CDH10: variants seen among roughly 807,000 people sequenced by gnomAD.
CDH10 encodes cadherin 10, also known as cadherin-10.
A neutral mutation model predicts 73.1 loss-of-function variants in CDH10; 30 were observed. The ratio of observed to expected loss-of-function variants is 0.41; its 90% CI spans 0.31 to 0.56. CDH10 has a LOEUF of 0.56. Ranked by LOEUF, CDH10 falls within the 20% of genes least tolerant of loss-of-function variation. The probability of loss-of-function intolerance (pLI) is 0.27; values close to 1 mark genes in which losing one functional copy is unlikely to be tolerated. For synonymous variants in CDH10, 345 were observed against 348.2 expected (o/e 0.99, Z 0.10); for missense variants, 815 against 973.7 (o/e 0.84, Z 2.17).
chr5:24,568,220 G>T (rs986655021), intron 2 of CDH10, among the ~76,000 whole-genome samples: 1 of 151,778 alleles, frequency 6.6e-6, no homozygotes, highest in South Asian at 2.1e-4. Context: ...TTGGAAATAC[G>T]ACATCCATAA....
intron 7 of CDH10, among the ~76,000 whole-genome samples, chr5:24,509,350 C>A (rs1742811599): frequency 6.7e-6 from 1 of 149,126 alleles, no homozygotes; most frequent in African/African-American, 2.5e-5. Context: ...AGTGATTCTC[C>A]TGCCTCAGCC....
At chr5:24,588,106 T>C (rs1301954027) in intron 2 of CDH10, among the ~76,000 whole-genome samples, 2 of 152,214 alleles carry the variant, frequency 1.3e-5, no homozygotes, top group East Asian at 3.9e-4. Flanking sequence ...AGAGAAGTAA[T>C]GTCTATATTC....
rs1484687032 is a variant in CDH10, at chr5:24,549,571, G to A, written c.232-11897C>T. Reference sequence around the variant, plus strand: ...AATGACTTTTTTTTTTTTTTTTTGAGACAAAGTCTGGATCTTGTCTCCCAG... The same window carrying A: ...AATGACTTTTTTTTTTTTTTTTTGAAACAAAGTCTGGATCTTGTCTCCCAG... On this transcript the variant is annotated intron_variant, in intron 2 of 11. Transcript: ENST00000264463. 7.9e-5 allele frequency among the ~76,000 whole-genome samples: 5 copies of A among 63,612 alleles called. No homozygotes were observed. The East Asian group carries it at 2.5e-3, about 32-fold the overall frequency. The allele number at this position is 63,612 out of a possible 152,430, so 41.7% of individuals were successfully genotyped here.
chr5:24,591,122 C>T (rs1746185784), intron 2 of CDH10, among the ~76,000 whole-genome samples: 1 of 151,922 alleles, frequency 6.6e-6, no homozygotes, highest in African/African-American at 2.4e-5. Context: ...ATATGTTAAA[C>T]ATTGCCTTTT....
In CDH10 at chr5:24,583,065, T is replaced by A. The variant is rs571497439; in HGVS notation, c.231+10195A>T. 1.7e-3 allele frequency among the ~76,000 whole-genome samples: 261 copies of A among 152,046 alleles called. 1 individual carries two copies. Among genetic ancestry groups the A allele is most frequent in the African/African-American group, 3.9e-3 (161 of 41,496 alleles). On this transcript the variant is annotated intron_variant, in intron 2 of 11. Transcript: ENST00000264463. ...CATATTGCTATATTAGTAATTTTTT[T>A]TAAAAAAACTAAACGTCCTTTAAAA...
intron 2 of CDH10, among the ~76,000 whole-genome samples, chr5:24,588,369 TA>T (rs1746090948): frequency 6.6e-6 from 1 of 152,218 alleles, no homozygotes; most frequent in Non-Finnish European, 1.5e-5. Flanking sequence ...TTATATTTAG[TA>T]AACAGTTGTT....
intron 6 of CDH10, among the ~76,000 whole-genome samples, chr5:24,510,791 A>G (rs185715679): frequency 1.3e-5 from 2 of 152,356 alleles, no homozygotes; most frequent in Admixed American, 6.5e-5. Context: ...TTATGCTACA[A>G]TAACAAACAG....
chr5:24,587,650 C>T (rs1008528426), intron 2 of CDH10, among the ~76,000 whole-genome samples: 1 of 152,064 alleles, frequency 6.6e-6, no homozygotes, highest in Non-Finnish European at 1.5e-5. Flanking sequence ...ATCACTGACT[C>T]CATTTTCATA....
intron 5 of CDH10, among the ~76,000 whole-genome samples, chr5:24,518,826 G>T (rs1303247649): frequency 1.3e-5 from 2 of 150,462 alleles, no homozygotes; most frequent in Non-Finnish European, 3.0e-5. Context: ...ATTACAGTGA[G>T]ATGGTAATTT....
At chr5:24,488,187 C>T (rs1295548293) in intron 11 of CDH10, 34 bp from the exon 12 acceptor site, 3 of 1,531,024 alleles carry the variant, frequency 2.0e-6, no homozygotes, top group South Asian at 1.2e-5. Context: ...ATTAGACGTC[C>T]GTTCAAAACA....
intron 2 of CDH10, among the ~76,000 whole-genome samples, chr5:24,563,796 A>G (rs13178092): frequency 0.83 from 119,990 of 144,638 alleles, 49,931 homozygotes; most frequent in East Asian, 0.9. Flanking sequence ...AAAAAAAAAA[A>G]AAAGAGAAAA....
intron 1 of CDH10, among the ~76,000 whole-genome samples, chr5:24,626,897 TGTGTATATATAA>T (rs886365681): frequency 1.0e-4 from 12 of 115,318 alleles, no homozygotes; most frequent in African/African-American, 1.8e-4. Flanking sequence ...TGTGTATATA[TGTGTATATATAA>T]GTGTATATAT....
rs945365727 is a variant in CDH10 at position 24,593,527 on chromosome 5, G to A, written c.-37C>T. 1.7e-6 allele frequency: 2 copies of A among 1,181,780 alleles called. No individual in the cohort carries two copies. The highest frequency in any genetic ancestry group is 1.5e-5 in the African/African-American group (1 of 65,848). The allele number at this position is 1,181,780 out of a possible 1,614,324, so 73.2% of individuals were successfully genotyped here. A position where few individuals can be genotyped will look rare whatever the true frequency, so the allele number is the denominator to read the frequency against. On this transcript the variant is annotated 5_prime_UTR_variant, in exon 2 of 12. Transcript: ENST00000264463. ...TGACAAATCCCAGTGTAGATGAAGA[G>A]AAGTGGTCCTATTTTACCCAGTTGG...
chr5:24,517,309 C>T (rs993664777), intron 5 of CDH10, among the ~76,000 whole-genome samples: 5 of 152,230 alleles, frequency 3.3e-5, no homozygotes, highest in Middle Eastern at 3.4e-3. Flanking sequence ...ACAATTCTAA[C>T]GCCCAAACAC....
chr5:24,531,832 T>A (rs1743765461), intron 5 of CDH10, among the ~76,000 whole-genome samples: 2 of 152,098 alleles, frequency 1.3e-5, no homozygotes. Flanking sequence ...TATCAATGAA[T>A]TTGTGATGTA....
intron 1 of CDH10, chr5:24,609,959 T>C (rs1746889980): frequency 6.6e-6 from 1 of 152,204 alleles, no homozygotes. Context: ...CTGGTCACCA[T>C]TACAACGTGC....
At chr5:24,511,602 A>G in intron 5 of CDH10, 88 bp from the exon 6 acceptor site, 1 of 663,262 alleles carries the variant, frequency 1.5e-6, no homozygotes, top group Middle Eastern at 3.5e-4. Flanking sequence ...ATTTCTCAAT[A>G]GAATAGCCAA....
At chr5:24,615,013 T>C (rs1360377713) in intron 1 of CDH10, among the ~76,000 whole-genome samples, 1 of 152,132 alleles carries the variant, frequency 6.6e-6, no homozygotes. Flanking sequence ...CTCTGGTGAG[T>C]GTGGCCACCT....
chr5:24,561,122 C>T (rs1579809514), intron 2 of CDH10, among the ~76,000 whole-genome samples: 2 of 151,992 alleles, frequency 1.3e-5, no homozygotes, highest in East Asian at 1.9e-4. Flanking sequence ...AAGCGGTAAC[C>T]AGTATTAAAT....
Sources: allele counts gnomAD v4.1 joint callset (sites outside exome capture counted in the v4.1 genomes callset), GRCh38; gene constraint gnomAD v4.1.1; transcripts MANE v1.5; gene names NCBI Gene and HGNC (gene_info 2026-07-23, HGNC 2026-07-21).